HSPA8: variants seen among roughly 807,000 people sequenced by gnomAD.
HSPA8 encodes heat shock cognate 71 kDa protein.
A neutral mutation model predicts 52.8 loss-of-function variants in HSPA8; 2 were observed. That is an observed-to-expected ratio of 0.04 (90% CI 0.02 to 0.12). The LOEUF is 0.12. Among genes scored for constraint, HSPA8 ranks in the 10% least tolerant of loss-of-function variants. The pLI, the probability that HSPA8 is intolerant of heterozygous loss-of-function variation, is 1.00. For missense variants in HSPA8, 349 were observed against 800.5 expected, an observed-to-expected ratio of 0.44 and a Z score of 6.81; for synonymous variants, 436 against 274.0, an observed-to-expected ratio of 1.59 and a Z score of -5.84.
chr11:123,060,434 C>A, intron 3 of HSPA8, 159 bp downstream of exon 3: 9 of 904,102 alleles, frequency 1.0e-5, no homozygotes, highest in Admixed American at 4.5e-5. Flanking sequence ...TGTTGACAGA[C>A]CCATCTACCT....
intron 3 of HSPA8, 80 bp downstream of exon 3, chr11:123,060,513 C>A: frequency 8.9e-7 from 1 of 1,127,752 alleles, no homozygotes; most frequent in Non-Finnish European, 1.3e-6. Context: ...TCCCCTCCCT[C>A]GCCAGGTGCC....
intron 3 of HSPA8, 30 bp downstream of exon 3, chr11:123,060,563 A>C (rs1865467064): frequency 5.2e-6 from 8 of 1,524,744 alleles, no homozygotes; most frequent in Non-Finnish European, 7.3e-6. Flanking sequence ...CTACTCCGGA[A>C]TGCACCCCAT....
intron 2 of HSPA8, 110 bp downstream of exon 2, chr11:123,061,010 C>T (rs1865482699): frequency 2.0e-6 from 2 of 989,686 alleles, no homozygotes; most frequent in Admixed American, 2.2e-5. Flanking sequence ...GATAACAAGT[C>T]TCTCAGCTCA....
Position 123,060,773 on chromosome 11 carries a change from T to C in HSPA8, c.231A>G (p.Arg77=). 2 of 1,613,948 alleles carry C rather than the reference T, an allele frequency of 1.2e-6. No individual in the cohort carries two copies. Among genetic ancestry groups the C allele is most frequent in the South Asian group, 1.1e-5 (1 of 91,084 alleles). The change falls in exon 3 of 9, where the codon AGA becomes AGG. Residue 77 remains arginine (R), a synonymous_variant. Transcript: ENST00000534624. The part of the protein sequence containing the change: ...VFDAKRLIGR[R]FDDAVVQSDM... ...CAGACTGGACAACAGCATCATCAAA[T>C]CTGCGTCCAATCAGACGTTTGGCAT...
Position 123,061,160 on chromosome 11 carries a change from T to G in HSPA8, c.165A>C (p.Ala55=), listed in dbSNP as rs781396927. 13 of 1,613,946 alleles carry G rather than the reference T, an allele frequency of 8.1e-6. No individual in the cohort carries two copies. Among genetic ancestry groups the G allele is most frequent in the Non-Finnish European group, 1.0e-5 (12 of 1,179,842 alleles). ...TDTERLIGDA[A]KNQVAMNPTN... ...TGGGGTTCATTGCAACTTGATTCTT[T>G]GCGGCATCACCGATCAACCGTTCAG... The change falls in exon 2 of 9, where the codon GCA becomes GCC. Residue 55 remains alanine, a synonymous_variant. Transcript: ENST00000534624.
intron 1 of HSPA8, chr11:123,061,585 T>C: frequency 1.9e-6 from 1 of 525,530 alleles, no homozygotes. Flanking sequence ...CACGTGGTCT[T>C]ACCCCGAACT....
At chr11:123,059,024 T>A (rs767610060) in intron 6 of HSPA8, 35 bp downstream of exon 6, 5 of 1,564,638 alleles carry the variant, frequency 3.2e-6, no homozygotes, top group Non-Finnish European at 4.4e-6. Flanking sequence ...TTATCTGTTA[T>A]CAGTAAGCCA....
chr11:123,058,605 C>G (rs373976955), intron 7 of HSPA8, 27 bp downstream of exon 7: 1 of 1,601,154 alleles, frequency 6.2e-7, no homozygotes, highest in Non-Finnish European at 8.6e-7. Flanking sequence ...TTATCCCTGT[C>G]AAGACCAGAT....
Position 123,059,281 on chromosome 11 carries a change from CGTTAAAAGAA to C in HSPA8, c.1121-30_1121-21del, listed in dbSNP as rs775959865. ...GGACAGCTAGCAAACAAAAAGTTAA[CGTTAAAAGAA>C]GTTAAAAGAAAACCCAGTACATAGC... On this transcript the variant is annotated intron_variant, in intron 5 of 8. Coordinates refer to ENST00000534624, the MANE Select transcript of HSPA8 (RefSeq NM_006597.6). The C allele has an allele frequency of 1.6e-4, 260 of 1,602,034 alleles. No homozygotes were observed. The highest frequency in any genetic ancestry group is 5.0e-4 in the Admixed American group (29 of 58,466).
intron 6 of HSPA8, 36 bp downstream of exon 6, chr11:123,059,023 A>G: frequency 6.4e-7 from 1 of 1,562,882 alleles, no homozygotes; most frequent in Non-Finnish European, 8.8e-7. Flanking sequence ...TTTATCTGTT[A>G]TCAGTAAGCC....
Position 123,057,670 on chromosome 11 carries a change from A to C in HSPA8, c.*64T>G. The C allele has an allele frequency of 7.4e-7, 1 of 1,351,796 alleles. No individual in the cohort carries two copies. The highest frequency in any genetic ancestry group is 1.0e-6 in the Non-Finnish European group (1 of 988,132). The allele number at this position is 1,351,796 out of a possible 1,614,324, so 83.7% of individuals were successfully genotyped here. ...TTTTAAAACTGCCACAGAATTTGCTACGAATTTAGGTCCTTCAAATGTTTT... is the reference window on the plus strand; with the variant it reads ...TTTTAAAACTGCCACAGAATTTGCTCCGAATTTAGGTCCTTCAAATGTTTT... On this transcript the variant is annotated 3_prime_UTR_variant, in exon 9 of 9. Transcript: ENST00000534624.
At chr11:123,060,916 G>C (rs557748685) in intron 2 of HSPA8, 118 bp from the exon 3 acceptor site, 2 of 981,696 alleles carry the variant, frequency 2.0e-6, no homozygotes, top group East Asian at 2.5e-5. Flanking sequence ...CTACCATATA[G>C]GTAGCAAAGG....
chr11:123,061,034 CAA>C, intron 2 of HSPA8, 84 bp downstream of exon 2: 3 of 1,233,588 alleles, frequency 2.4e-6, no homozygotes, highest in Non-Finnish European at 3.5e-6. Flanking sequence ...TTTCTAAAAT[CAA>C]AAAGTTCCCT....
In HSPA8 at chr11:123,060,495, C is replaced by T. The variant is rs1865461787; in HGVS notation, c.411+98G>A. 4 of 1,011,294 alleles carry T rather than the reference C, an allele frequency of 4.0e-6. No homozygotes were observed. The South Asian group carries it at 4.3e-5, about 11-fold the overall frequency. The allele number at this position is 1,011,294 out of a possible 1,614,324, so 62.6% of individuals were successfully genotyped here. A position where few individuals can be genotyped will look rare whatever the true frequency, so the allele number is the denominator to read the frequency against. On this transcript the variant is annotated intron_variant, in intron 3 of 8. Coordinates refer to ENST00000534624, the MANE Select transcript of HSPA8 (RefSeq NM_006597.6). The stretch of plus-strand genomic sequence containing the variant: ...CGTGGTCTTAACCCTGAGCTGAGCC[C>T]CATCTGTTCCCCTCCCTCGCCAGGT...
At position 123,057,592 on chromosome 11, in the gene HSPA8, G is replaced by T; in HGVS notation, c.*142C>A. 1 of 598,918 alleles carries T rather than the reference G, an allele frequency of 1.7e-6. No homozygotes were observed. Among genetic ancestry groups the T allele is most frequent in the Non-Finnish European group, 2.9e-6 (1 of 341,700 alleles). The allele number at this position is 598,918 out of a possible 1,614,324, so 37.1% of individuals were successfully genotyped here. On this transcript the variant is annotated 3_prime_UTR_variant, in exon 9 of 9. Coordinates refer to ENST00000534624, the MANE Select transcript of HSPA8 (RefSeq NM_006597.6). ...TGTTATTTCCTTCCCCTGTGCATAT[G>T]TTCCATATTCAAGTATTGAGAATGC...
At chr11:123,059,429 T>C (rs748950534) in intron 5 of HSPA8, 44 bp downstream of exon 5, 2 of 1,542,782 alleles carry the variant, frequency 1.3e-6, no homozygotes, top group East Asian at 2.2e-5. Flanking sequence ...GCGAGTCACC[T>C]TGGGCCTGCC....
chr11:123,060,864 G>T, intron 2 of HSPA8, 66 bp from the exon 3 acceptor site: 2 of 1,422,244 alleles, frequency 1.4e-6, no homozygotes, highest in South Asian at 1.2e-5. Context: ...TCAAGTCCAT[G>T]ATTACTCAAA....
chr11:123,060,543 G>C (rs188681746), intron 3 of HSPA8, 50 bp downstream of exon 3: 9 of 1,390,524 alleles, frequency 6.5e-6, no homozygotes, highest in Middle Eastern at 1.8e-4. Context: ...GGGAGTCATC[G>C]GGCTTTTAAC....
In HSPA8 at chr11:123,060,033, C is replaced by A. The variant is rs751301386; in HGVS notation, c.565-5G>T. ...CACGTTTCTTTCTGCTCCAACCTGC[C>A]GTTAAAAACAATCTCATTTAAATTT... On this transcript the variant is annotated splice_region_variant and splice_polypyrimidine_tract_variant and intron_variant, in intron 4 of 8. Coordinates refer to ENST00000534624, the MANE Select transcript of HSPA8 (RefSeq NM_006597.6). 3 of 1,613,928 alleles carry A rather than the reference C, an allele frequency of 1.9e-6. No individual in the cohort carries two copies. The highest frequency in any genetic ancestry group is 2.2e-5 in the East Asian group (1 of 44,884).
Sources: gnomAD v4.1 joint callset for allele counts on GRCh38, gnomAD v4.1.1 for gene constraint, MANE v1.5 for transcripts, NCBI Gene and HGNC (gene_info 2026-07-23, HGNC 2026-07-21) for gene names.